The following GALNT2 variants were observed in gnomAD, a reference collection of about 807,000 sequenced individuals.
GALNT2 encodes polypeptide N-acetylgalactosaminyltransferase 2.
In GALNT2, 31 loss-of-function variants were observed where a neutral mutation model predicts 81.4. That is an observed-to-expected ratio of 0.38 (90% CI 0.29 to 0.51). The LOEUF (loss-of-function observed/expected upper bound fraction) is 0.51, where lower values mean the gene tolerates loss of function less well. Ranked by LOEUF, GALNT2 falls within the 20% of genes least tolerant of loss-of-function variation. The pLI is 0.87. For synonymous variants in GALNT2, 303 were observed against 287.4 expected (o/e 1.05, Z -0.55); for missense variants, 629 against 765.7 (o/e 0.82, Z 2.11).
At chr1:230,183,851 G>A (rs902920944) in intron 2 of GALNT2, among the ~76,000 whole-genome samples, 6 of 152,012 alleles carry the variant, frequency 3.9e-5, no homozygotes, top group African/African-American at 1.5e-4. Context: ...GGTGGTGCGT[G>A]CCTGTAATTC....
intron 2 of GALNT2, among the ~76,000 whole-genome samples, chr1:230,197,366 T>C (rs1273686586): frequency 1.3e-5 from 2 of 152,150 alleles, no homozygotes; most frequent in Non-Finnish European, 2.9e-5. Flanking sequence ...CCTGCTCGCC[T>C]GGGCAGTGCC....
At chr1:230,156,250 T>A (rs1379865493) in intron 1 of GALNT2, among the ~76,000 whole-genome samples, 115 of 149,832 alleles carry the variant, frequency 7.7e-4, no homozygotes, top group African/African-American at 2.5e-3. Flanking sequence ...AGAGAGTGTG[T>A]GTGTGTGTGT....
At chr1:230,274,251 G>T (rs1666224675) in intron 14 of GALNT2, among the ~76,000 whole-genome samples, 194 bp from the exon 15 acceptor site, 2 of 152,360 alleles carry the variant, frequency 1.3e-5, no homozygotes, top group Non-Finnish European at 2.9e-5. Context: ...CAGTTGTGAG[G>T]TTCTCCCACA....
chr1:230,202,222 C>G (rs1296576528), intron 2 of GALNT2, among the ~76,000 whole-genome samples: 1 of 152,208 alleles, frequency 6.6e-6, no homozygotes, highest in African/African-American at 2.4e-5. Context: ...CTCCTTGCTT[C>G]AAGTCTGCCT....
At chr1:230,168,269 C>T (rs918004191) in intron 1 of GALNT2, among the ~76,000 whole-genome samples, 1 of 152,220 alleles carries the variant, frequency 6.6e-6, no homozygotes, top group Admixed American at 6.5e-5. Context: ...AAGTTATCAC[C>T]AGGAGCTAAG....
chr1:230,089,223 A>G (rs1659987632), intron 1 of GALNT2, among the ~76,000 whole-genome samples: 1 of 148,194 alleles, frequency 6.7e-6, no homozygotes, highest in Non-Finnish European at 1.5e-5. Context: ...CTCGCCTCAC[A>G]GCAACCTCCG....
At chr1:230,083,334 A>G (rs1659802936) in intron 1 of GALNT2, among the ~76,000 whole-genome samples, 1 of 143,364 alleles carries the variant, frequency 7.0e-6, no homozygotes, top group Admixed American at 7.0e-5. Flanking sequence ...AGGATGATGG[A>G]GCAGGGGAGC....
intron 3 of GALNT2, among the ~76,000 whole-genome samples, chr1:230,214,250 T>G (rs1664319983): frequency 6.6e-6 from 1 of 152,050 alleles, no homozygotes; most frequent in African/African-American, 2.4e-5. Flanking sequence ...GTAACTGGGA[T>G]TACAGGCACC....
chr1:230,242,799 T>G (rs1665240290), intron 6 of GALNT2, among the ~76,000 whole-genome samples: 1 of 152,216 alleles, frequency 6.6e-6, no homozygotes, highest in Non-Finnish European at 1.5e-5. Flanking sequence ...TATAACTAAT[T>G]TTGTGTAAAA....
At chr1:230,147,890 T>C (rs1045381072) in intron 1 of GALNT2, among the ~76,000 whole-genome samples, 4 of 152,218 alleles carry the variant, frequency 2.6e-5, no homozygotes, top group Non-Finnish European at 5.9e-5. Flanking sequence ...CTAAGCATGA[T>C]TGCTTGTTGG....
upstream of GALNT2, among the ~76,000 whole-genome samples, chr1:230,063,286 C>T (rs1217884763): frequency 7.4e-5 from 11 of 147,988 alleles, no homozygotes; most frequent in African/African-American, 1.0e-4. Context: ...ACTTTAGCCT[C>T]GGCGACAGAG....
intron 1 of GALNT2, among the ~76,000 whole-genome samples, chr1:230,110,714 G>GTTTTTTTTTTTTTTTTTTTTTTTTTTTT (rs113630188): frequency 2.2e-5 from 3 of 137,656 alleles, no homozygotes; most frequent in Non-Finnish European, 4.7e-5. Flanking sequence ...GTGCTTTTCT[G>GTTTTTTTTTTTTTTTTTTTTTTTTTTTT]TTTTTTTTTT....
chr1:230,161,082 C>A (rs1216490173), intron 1 of GALNT2, among the ~76,000 whole-genome samples: 1 of 152,150 alleles, frequency 6.6e-6, no homozygotes, highest in Non-Finnish European at 1.5e-5. Flanking sequence ...AGCAAACTGT[C>A]CCAAGTGGAA....
intron 3 of GALNT2, among the ~76,000 whole-genome samples, chr1:230,208,824 T>C (rs1055612618): frequency 6.6e-6 from 1 of 152,158 alleles, no homozygotes; most frequent in Non-Finnish European, 1.5e-5. Flanking sequence ...AGCCTTGAGC[T>C]GTGCCACCCA....
intron 6 of GALNT2, among the ~76,000 whole-genome samples, chr1:230,240,150 T>C (rs1377858028): frequency 6.6e-6 from 1 of 152,258 alleles, no homozygotes; most frequent in African/African-American, 2.4e-5. Context: ...GAGTTTTTAT[T>C]TAGCCCGAAT....
chr1:230,243,391 G>A lies in GALNT2; in HGVS notation c.693G>A (p.Glu231=). The change falls in exon 7 of 16, where the codon GAG becomes GAA. Residue 231 remains glutamate, a synonymous_variant. Transcript: ENST00000366672. This position sits in a 1 kb window ranked among gnomAD's most constrained non-coding sequence, Gnocchi z 4.2. ...TFLDSHCECN[E]HWLEPLLERV... ...TGGACAGTCACTGCGAGTGTAATGA[G>A]CACTGGCTGGAGCCCCTCCTGGAAA... The A allele has an allele frequency of 6.2e-7, 1 of 1,612,666 alleles. No individual in the cohort carries two copies. Among genetic ancestry groups the A allele is most frequent in the East Asian group, 2.2e-5 (1 of 44,852 alleles).
At chr1:230,210,584 GTTTATC>G (rs1164960570) in intron 3 of GALNT2, among the ~76,000 whole-genome samples, 1 of 152,144 alleles carries the variant, frequency 6.6e-6, no homozygotes, top group Non-Finnish European at 1.5e-5. Flanking sequence ...CATCTAATCG[GTTTATC>G]TTTAAGTCAA....
At chr1:230,175,725 C>T (rs1258791581) in intron 1 of GALNT2, among the ~76,000 whole-genome samples, 1 of 149,954 alleles carries the variant, frequency 6.7e-6, no homozygotes, top group Non-Finnish European at 1.5e-5. Context: ...ACTGTAGGAG[C>T]AGGTATTTAA....
chr1:230,088,919 C>T (rs1243477145), intron 1 of GALNT2, among the ~76,000 whole-genome samples: 2 of 152,098 alleles, frequency 1.3e-5, no homozygotes, highest in African/African-American at 2.4e-5. Flanking sequence ...CCTCATCTCC[C>T]CAGTCCCTGG....
Sources: gnomAD v4.1 joint callset for allele counts (sites outside exome capture counted in the v4.1 genomes callset) on GRCh38, gnomAD v4.1.1 for gene constraint, Gnocchi (gnomAD v3.1) non-coding constraint, MANE v1.5 for transcripts, NCBI Gene and HGNC (gene_info 2026-07-23, HGNC 2026-07-21) for gene names.